SYNE2: variants seen among roughly 807,000 people sequenced by gnomAD.
The protein encoded by SYNE2 is nesprin-2.
A neutral mutation model predicts 856.3 loss-of-function variants in SYNE2; 431 were observed. The ratio of observed to expected loss-of-function variants is 0.50; its 90% CI spans 0.47 to 0.55. SYNE2 has a LOEUF of 0.55. Ranked by LOEUF, SYNE2 falls within the 20% of genes least tolerant of loss-of-function variation. The pLI, the probability that SYNE2 is intolerant of heterozygous loss-of-function variation, is 0.00. For synonymous variants in SYNE2, 2,923 were observed against 2,872.3 expected, an observed-to-expected ratio of 1.02 and a Z score of -0.56; for missense variants, 8,129 against 8,023.2, an observed-to-expected ratio of 1.01 and a Z score of -0.50.
Position 64,214,089 on chromosome 14 carries a change from T to C in SYNE2, c.19057-105T>C, listed in dbSNP as rs2098654881. On this transcript the variant is annotated intron_variant, in intron 105 of 115. Transcript: ENST00000555002. Reference sequence around the variant, plus strand: ...TTTAAAGCTGCCTTAGAAATACTATTGGCAGTTATTTTTGGAAACTGCTAG... The same window carrying C: ...TTTAAAGCTGCCTTAGAAATACTATCGGCAGTTATTTTTGGAAACTGCTAG... 4 of 1,539,218 alleles carry C rather than the reference T, an allele frequency of 2.6e-6. No individual in the cohort carries two copies. The East Asian group carries it at 6.9e-5, about 27-fold the overall frequency.
chr14:64,180,190 CTG>C (rs2098451620), intron 96 of SYNE2, among the ~76,000 whole-genome samples: 2 of 152,196 alleles, frequency 1.3e-5, no homozygotes, highest in South Asian at 2.1e-4. Flanking sequence ...TTCCACTGGT[CTG>C]TGTATGTCAG....
intron 99 of SYNE2, among the ~76,000 whole-genome samples, chr14:64,197,295 A>G (rs1478639551): frequency 6.6e-6 from 1 of 152,166 alleles, no homozygotes; most frequent in East Asian, 1.9e-4. Flanking sequence ...TGGTGTCTGC[A>G]GTCTGCCTCT....
chr14:64,140,539 C>T (rs917298383), intron 80 of SYNE2, among the ~76,000 whole-genome samples: 11 of 152,276 alleles, frequency 7.2e-5, no homozygotes, highest in Middle Eastern at 3.4e-3. Context: ...GCTGAGATGG[C>T]GCCATTGCAC....
intron 57 of SYNE2, 118 bp from the exon 58 acceptor site, chr14:64,087,553 A>G: frequency 4.6e-6 from 5 of 1,097,880 alleles, no homozygotes; most frequent in Non-Finnish European, 7.0e-6. Flanking sequence ...TTATCGAACT[A>G]GAAATGACTA....
intron 6 of SYNE2, among the ~76,000 whole-genome samples, chr14:63,948,041 T>C (rs1262487683): frequency 6.6e-6 from 1 of 152,222 alleles, no homozygotes; most frequent in Non-Finnish European, 1.5e-5. Context: ...GTGTAAGTTG[T>C]CCAACTTATT....
chr14:63,954,806 C>G lies in SYNE2; in HGVS notation c.678C>G (p.Asp226Glu), dbSNP rs1350673190. The change falls in exon 8 of 116, where the codon GAC becomes GAG. Residue 226 changes from aspartate to glutamate, a missense_variant. By Grantham distance (45) the Asp-to-Glu change is conservative (BLOSUM62 2). Coordinates refer to ENST00000555002, the MANE Select transcript of SYNE2 (RefSeq NM_182914.3). ...FLAIIHALRP[D>E]LIDMKSVKHR... Reference sequence around the variant, plus strand: ...CCATCATTCATGCCTTGCGACCAGACCTAATTGACATGAAGAGTGTGAAGC... The same window carrying G: ...CCATCATTCATGCCTTGCGACCAGAGCTAATTGACATGAAGAGTGTGAAGC... 4 of 1,613,892 alleles carry G rather than the reference C, an allele frequency of 2.5e-6. No individual in the cohort carries two copies. Among genetic ancestry groups the G allele is most frequent in the Middle Eastern group, 1.6e-4 (1 of 6,062 alleles).
At chr14:63,801,068 T>C (rs1888110565) in intron 1 of SYNE2, among the ~76,000 whole-genome samples, 1 of 152,190 alleles carries the variant, frequency 6.6e-6, no homozygotes, top group Non-Finnish European at 1.5e-5. Flanking sequence ...ATTAACAAAA[T>C]AGAAATAAAA....
intron 99 of SYNE2, among the ~76,000 whole-genome samples, chr14:64,198,846 A>G (rs758333363): frequency 5.3e-5 from 8 of 152,236 alleles, no homozygotes; most frequent in Non-Finnish European, 7.3e-5. Flanking sequence ...GAAGAAGACA[A>G]ATCAGACAAA....
At chr14:63,924,755 G>C (rs937841789) in intron 2 of SYNE2, among the ~76,000 whole-genome samples, 4 of 144,760 alleles carry the variant, frequency 2.8e-5, no homozygotes, top group African/African-American at 1.0e-4. Flanking sequence ...ATTTTTTGTA[G>C]ATACAGTAGG....
intron 1 of SYNE2, among the ~76,000 whole-genome samples, chr14:63,781,080 C>T (rs567771932): frequency 6.6e-5 from 10 of 152,088 alleles, no homozygotes; most frequent in Non-Finnish European, 1.5e-4. Context: ...AATTCGAGAC[C>T]AGCCTGATCA....
intron 57 of SYNE2, among the ~76,000 whole-genome samples, chr14:64,082,752 A>C (rs905231675): frequency 6.6e-6 from 1 of 152,208 alleles, no homozygotes; most frequent in Non-Finnish European, 1.5e-5. Flanking sequence ...TAAGCCATTA[A>C]GTTTGTGGTA....
intron 64 of SYNE2, among the ~76,000 whole-genome samples, chr14:64,107,118 G>C (rs919501914): frequency 3.9e-5 from 6 of 152,174 alleles, no homozygotes; most frequent in Admixed American, 3.3e-4. Flanking sequence ...GTCTTCCAAA[G>C]TGCTGGGATT....
At chr14:64,074,351 T>TG (rs1235320991) in intron 53 of SYNE2, among the ~76,000 whole-genome samples, 1 of 152,166 alleles carries the variant, frequency 6.6e-6, no homozygotes, top group Non-Finnish European at 1.5e-5. Flanking sequence ...GAAACAAGGC[T>TG]GGAAGGTAGG....
intron 99 of SYNE2, among the ~76,000 whole-genome samples, chr14:64,201,005 A>T (rs1447081139): frequency 6.6e-6 from 1 of 152,238 alleles, no homozygotes; most frequent in Non-Finnish European, 1.5e-5. Context: ...TTGTAGCATC[A>T]TGTGGTCCAG....
chr14:64,140,152 T>TAA (rs1239176404), intron 80 of SYNE2, 79 bp downstream of exon 80: 1 of 1,405,058 alleles, frequency 7.1e-7, no homozygotes, highest in Non-Finnish European at 1.0e-6. Flanking sequence ...GTTGATGTGA[T>TAA]AGTCTTCGTA....
rs759591191 is a variant in SYNE2, at chr14:64,214,345, G to A, written c.19208G>A (p.Arg6403Gln). ...CATCTAGTGGCCCCAGGGCACGAGC[G>A]GTCTGGCTGCGAGACCCCTGTCAGC... ...LCHLVAPGHERSGCETPVSVD... is the reference protein window; with the variant it reads ...LCHLVAPGHEQSGCETPVSVD... The change falls in exon 106 of 116, where the codon CGG becomes CAG. Residue 6403 changes from arginine (R) to glutamine (Q), a missense_variant. Around this residue, in one of 3 missense-constraint regions of SYNE2, gnomAD observed 5,410 missense variants for 5,284.8 expected, o/e 1.02. Transcript: ENST00000555002. The A allele has an allele frequency of 1.4e-5, 22 of 1,614,094 alleles. No homozygotes were observed. The highest frequency in any genetic ancestry group is 1.7e-5 in the Admixed American group (1 of 60,016).
intron 83 of SYNE2, among the ~76,000 whole-genome samples, chr14:64,145,516 A>C (rs1026588798): frequency 6.6e-6 from 1 of 151,914 alleles, no homozygotes; most frequent in Non-Finnish European, 1.5e-5. Flanking sequence ...TCAAAAAAAA[A>C]AAAAAAAAAA....
chr14:64,064,538 T>C (rs2097342739), intron 50 of SYNE2, among the ~76,000 whole-genome samples: 1 of 144,900 alleles, frequency 6.9e-6, no homozygotes, highest in Non-Finnish European at 1.5e-5. Context: ...TGTTGTACTT[T>C]TAGATTTTTT....
intron 1 of SYNE2, among the ~76,000 whole-genome samples, chr14:63,780,706 T>TA (rs200753823): frequency 0.023 from 3,513 of 152,048 alleles, 50 homozygotes; most frequent in Middle Eastern, 0.034. Flanking sequence ...TGAGAAGTAT[T>TA]AAAAAAAATG....
Sources: gnomAD v4.1 joint callset for allele counts (sites outside exome capture counted in the v4.1 genomes callset) on GRCh38, gnomAD v4.1.1 for gene constraint, gnomAD v4.1.1 regional missense constraint, MANE v1.5 for transcripts, NCBI Gene and HGNC (gene_info 2026-07-23, HGNC 2026-07-21) for gene names.